ANGPT4: variants seen among roughly 807,000 people sequenced by gnomAD.
ANGPT4 encodes angiopoietin-4.
ANGPT4 carries 50 observed loss-of-function variants against 53.0 expected under a neutral mutation model. The ratio of observed to expected loss-of-function variants is 0.94; its 90% CI spans 0.75 to 1.20. The LOEUF (loss-of-function observed/expected upper bound fraction) is 1.20. ANGPT4 is among the 50% of genes most tolerant of loss of function. The probability of loss-of-function intolerance (pLI) is 0.00; values close to 1 mark genes in which losing one functional copy is unlikely to be tolerated. For missense variants in ANGPT4, 648 were observed against 637.1 expected, an observed-to-expected ratio of 1.02 and a Z score of -0.18; for synonymous variants, 251 against 259.7, an observed-to-expected ratio of 0.97 and a Z score of 0.32.
rs565521388 is a variant in ANGPT4 at position 889,447 on chromosome 20, A to G, written c.465+766T>C. 1.7e-3 allele frequency among the ~76,000 whole-genome samples: 262 copies of G among 152,310 alleles called. 1 individual carries two copies. Among genetic ancestry groups the G allele is most frequent in the African/African-American group, 5.9e-3 (247 of 41,570 alleles). On this transcript the variant is annotated intron_variant, in intron 2 of 8. Transcript: ENST00000381922. ...ATCCATACAGCATGTGACTGCACCC[A>G]ATACTGTAGGCAGTTATAACACAGT...
chr20:912,426 C>T (rs935947470), intron 1 of ANGPT4, among the ~76,000 whole-genome samples: 3 of 152,328 alleles, frequency 2.0e-5, no homozygotes, highest in Admixed American at 1.3e-4. Context: ...CACTGAGCTG[C>T]CCAGCCCAGC....
chr20:890,423 C>A, intron 1 of ANGPT4, 55 bp from the exon 2 acceptor site: 2 of 1,531,700 alleles, frequency 1.3e-6, no homozygotes, highest in Non-Finnish European at 1.8e-6. Context: ...AGCCCCCTGT[C>A]CCTCCCACGT....
chr20:902,926 G>C (rs1038107197), intron 1 of ANGPT4, among the ~76,000 whole-genome samples: 1 of 152,092 alleles, frequency 6.6e-6, no homozygotes, highest in Non-Finnish European at 1.5e-5. Flanking sequence ...ATTATAGATG[G>C]GCAAATGGAG....
intron 1 of ANGPT4, among the ~76,000 whole-genome samples, chr20:913,119 A>C (rs1385531126): frequency 6.6e-6 from 1 of 152,098 alleles, no homozygotes; most frequent in African/African-American, 2.4e-5. Flanking sequence ...GTTCATCCCT[A>C]ATGGCAATGG....
chr20:874,478 C>A, intron 7 of ANGPT4, 64 bp from the exon 8 acceptor site: 7 of 1,592,444 alleles, frequency 4.4e-6, no homozygotes, highest in Non-Finnish European at 5.1e-6. Context: ...CTGTGTCGAG[C>A]AAGAACTTCC....
chr20:897,551 T>A (rs1982107572), intron 1 of ANGPT4, among the ~76,000 whole-genome samples: 1 of 152,180 alleles, frequency 6.6e-6, no homozygotes, highest in African/African-American at 2.4e-5. Flanking sequence ...TGGTGTTTAA[T>A]CACTGCAGGG....
At chr20:903,356 C>T (rs1982357867) in intron 1 of ANGPT4, among the ~76,000 whole-genome samples, 1 of 152,164 alleles carries the variant, frequency 6.6e-6, no homozygotes, top group Non-Finnish European at 1.5e-5. Flanking sequence ...TTGTCTCTAC[C>T]CTCGGGCGCA....
At chr20:915,474 G>A (rs1417829075) in intron 1 of ANGPT4, among the ~76,000 whole-genome samples, 1 of 152,170 alleles carries the variant, frequency 6.6e-6, no homozygotes, top group Non-Finnish European at 1.5e-5. Flanking sequence ...CCTCCTCTGA[G>A]AAGTACTCTC....
At chr20:887,295 A>C (rs1981652239) in intron 3 of ANGPT4, among the ~76,000 whole-genome samples, 1 of 152,226 alleles carries the variant, frequency 6.6e-6, no homozygotes, top group South Asian at 2.1e-4. Context: ...GACATCCTCC[A>C]TCCTCACTGA....
Position 885,187 on chromosome 20 carries a change from G to C in ANGPT4, c.726C>G (p.Arg242=). ...GGAGGCTGGAGTTGTGCCTGACACCGCGCAGGCCGCGCTCGATGTTGGTGA... is the reference window on the plus strand; with the variant it reads ...GGAGGCTGGAGTTGTGCCTGACACCCCGCAGGCCGCGCTCGATGTTGGTGA... ...AALTNIERGL[R]GVRHNSSLLQ... Residue 242 remains arginine (R), a synonymous_variant, in exon 4 of 9, where the codon CGC becomes CGG. Coordinates refer to ENST00000381922, the MANE Select transcript of ANGPT4 (RefSeq NM_015985.4). The C allele has an allele frequency of 6.2e-7, 1 of 1,602,900 alleles. No homozygotes were observed. The highest frequency in any genetic ancestry group is 8.5e-7 in the Non-Finnish European group (1 of 1,174,804).
chr20:913,599 A>C (rs1386881311), intron 1 of ANGPT4, among the ~76,000 whole-genome samples: 1 of 152,212 alleles, frequency 6.6e-6, no homozygotes, highest in African/African-American at 2.4e-5. Flanking sequence ...CCTGCAAGCC[A>C]TCAGTTCAAG....
intron 1 of ANGPT4, among the ~76,000 whole-genome samples, chr20:891,116 G>A (rs573992458): frequency 1.3e-5 from 2 of 152,256 alleles, no homozygotes; most frequent in East Asian, 1.9e-4. Flanking sequence ...TCATAAATGC[G>A]CGTTCAATGA....
intron 2 of ANGPT4, 40 bp from the exon 3 acceptor site, chr20:888,479 C>T (rs200563228): frequency 2.5e-4 from 393 of 1,589,894 alleles, no homozygotes; most frequent in African/African-American, 1.7e-3. Context: ...GCTGCGTAAG[C>T]GCTACAGGAG....
In ANGPT4 at chr20:908,018, T is replaced by G. The variant is rs1982545389; in HGVS notation, c.309+7888A>C. Among the ~76,000 whole-genome samples the G allele has an allele frequency of 6.6e-6, 1 of 152,192 alleles. No homozygotes were observed. Among genetic ancestry groups the G allele is most frequent in the East Asian group, 1.9e-4 (1 of 5,198 alleles). ...CAGCTGGTAAAGGAAGATTTTTAAC[T>G]TAATGGCTGAGCTCTTTCTATGTGC... On this transcript the variant is annotated intron_variant, in intron 1 of 8. Coordinates refer to ENST00000381922, the MANE Select transcript of ANGPT4 (RefSeq NM_015985.4). The surrounding 1 kb of genome is among the most constrained non-coding windows in gnomAD (Gnocchi z 4.9).
rs115746401 is a variant in ANGPT4 at position 911,376 on chromosome 20, A to C, written c.309+4530T>G. ...CTTTGGGTGCAGAGGAGGAAGAGAA[A>C]GAGGCCTCGGCTGAGCAGCCAGCTG... On this transcript the variant is annotated intron_variant, in intron 1 of 8. Transcript: ENST00000381922. The surrounding 1 kb of genome is among the most constrained non-coding windows in gnomAD (Gnocchi z 4.9). Among the ~76,000 whole-genome samples the C allele has an allele frequency of 6.1e-3, 936 of 152,338 alleles. 10 individuals are homozygous for C. Among genetic ancestry groups the C allele is most frequent in the African/African-American group, 0.021 (888 of 41,590 alleles).
Position 882,705 on chromosome 20 carries a change from A to C in ANGPT4, c.836-1419T>G, listed in dbSNP as rs6140534. 1.4e-3 allele frequency among the ~76,000 whole-genome samples: 210 copies of C among 152,326 alleles called. 6 individuals are homozygous for C. The East Asian group carries it at 0.038, about 28-fold the overall frequency. ...AGGGATGGGCTGAACCTCACCCAGT[A>C]AGGCAAGGACAGAGCCAGGGTTGGC... is the stretch of plus-strand genomic sequence containing the variant. On this transcript the variant is annotated intron_variant, in intron 4 of 8. Transcript: ENST00000381922.
At chr20:884,641 G>A (rs1264086990) in intron 4 of ANGPT4, among the ~76,000 whole-genome samples, 1 of 152,114 alleles carries the variant, frequency 6.6e-6, no homozygotes, top group African/African-American at 2.4e-5. Context: ...GGGGCATTAA[G>A]ATGAGAGAGG....
intron 1 of ANGPT4, among the ~76,000 whole-genome samples, chr20:900,884 T>C (rs1431406377): frequency 3.3e-5 from 5 of 151,792 alleles, no homozygotes; most frequent in Admixed American, 1.3e-4. Context: ...CCTGTTTTTC[T>C]CCTTCTCTTA....
In ANGPT4 at chr20:914,871, G is replaced by A. The variant is rs1000423293; in HGVS notation, c.309+1035C>T. Among the ~76,000 whole-genome samples, 8 of 152,118 alleles carry A rather than the reference G, an allele frequency of 5.3e-5. No homozygotes were observed. The highest frequency in any genetic ancestry group is 7.4e-5 in the Non-Finnish European group (5 of 68,012). The stretch of plus-strand genomic sequence containing the variant: ...ATAGGTGCTCACACTGCTGAAAGAC[G>A]AAAGCATGACAGGGCATTCTACAGC... On this transcript the variant is annotated intron_variant, in intron 1 of 8. Coordinates refer to ENST00000381922, the MANE Select transcript of ANGPT4 (RefSeq NM_015985.4). The surrounding 1 kb of genome is among the most constrained non-coding windows in gnomAD (Gnocchi z 5.0).
Sources: allele counts gnomAD v4.1 joint callset (sites outside exome capture counted in the v4.1 genomes callset), GRCh38; gene constraint gnomAD v4.1.1; non-coding constraint Gnocchi (gnomAD v3.1); transcripts MANE v1.5; gene names NCBI Gene and HGNC (gene_info 2026-07-23, HGNC 2026-07-21).